PTAFR: variants seen among roughly 807,000 people sequenced by gnomAD.
PTAFR encodes platelet activating factor receptor.
A neutral mutation model predicts 14.7 loss-of-function variants in PTAFR; 8 were observed. The observed-to-expected ratio is 0.54, with a 90% CI of 0.32 to 0.98. PTAFR has a LOEUF of 0.98. Among genes scored for constraint, PTAFR ranks in the 50% least tolerant of loss-of-function variants. The pLI is 0.04. For missense variants in PTAFR, 337 were observed against 451.2 expected, an observed-to-expected ratio of 0.75 and a Z score of 2.29; for synonymous variants, 156 against 176.5, an observed-to-expected ratio of 0.88 and a Z score of 0.92.
At chr1:28,187,935 T>A (rs1646620018) in intron 1 of PTAFR, among the ~76,000 whole-genome samples, 1 of 152,126 alleles carries the variant, frequency 6.6e-6, no homozygotes, top group African/African-American at 2.4e-5. Flanking sequence ...TCCCAGCACT[T>A]TGGGAGGCTG....
intron 1 of PTAFR, among the ~76,000 whole-genome samples, chr1:28,171,114 G>A (rs1312735631): frequency 6.6e-6 from 1 of 152,168 alleles, no homozygotes; most frequent in Non-Finnish European, 1.5e-5. Context: ...CCTGAGGTCA[G>A]GAGTTCAAGA....
intron 1 of PTAFR, among the ~76,000 whole-genome samples, chr1:28,172,848 G>T (rs1646466532): frequency 6.6e-6 from 1 of 152,070 alleles, no homozygotes; most frequent in South Asian, 2.1e-4. Flanking sequence ...TCTGCAAAAT[G>T]CGGTGCCTGT....
In PTAFR at chr1:28,176,306, G is replaced by A. The variant is rs181104309; in HGVS notation, c.-39+286C>T. On this transcript the variant is annotated intron_variant, in intron 1 of 1. Transcript: ENST00000373857. ...AAAAATACAAAAATTAGCCAGGCGT[G>A]GTAGAGCATGCCTCTAGTCCCAGAT... is the stretch of plus-strand genomic sequence containing the variant. Among the ~76,000 whole-genome samples, 4 of 152,020 alleles carry A rather than the reference G, an allele frequency of 2.6e-5. No individual in the cohort carries two copies. In the East Asian group the frequency reaches 7.8e-4, roughly 29 times the overall value.
chr1:28,149,031 A>G lies in PTAFR; in HGVS notation c.*962T>C, dbSNP rs1377219923. 1 of 152,262 alleles carries G rather than the reference A, an allele frequency of 6.6e-6. No individual in the cohort carries two copies. The highest frequency in any genetic ancestry group is 1.5e-5 in the Non-Finnish European group (1 of 68,072). The allele number at this position is 152,262 out of a possible 1,614,324, so 9.4% of individuals were successfully genotyped here. A position where few individuals can be genotyped will look rare whatever the true frequency, so the allele number is the denominator to read the frequency against. On this transcript the variant is annotated 3_prime_UTR_variant, in exon 2 of 2. Transcript: ENST00000373857. ...CCCAGAGCTGACTGGACTAGAGGCA[A>G]GGCCTTTGCAGACAGACACGTCTGT...
At chr1:28,173,908 G>C (rs1646481433) in intron 1 of PTAFR, among the ~76,000 whole-genome samples, 1 of 152,136 alleles carries the variant, frequency 6.6e-6, no homozygotes, top group Admixed American at 6.5e-5. Context: ...ACACACAGAG[G>C]CATATCAGCC....
At chr1:28,186,006 CTTA>C in intron 1 of PTAFR, among the ~76,000 whole-genome samples, 1 of 151,874 alleles carries the variant, frequency 6.6e-6, no homozygotes, top group African/African-American at 2.4e-5. Flanking sequence ...GAGATGGAGT[CTTA>C]TCCTGTCACC....
intron 1 of PTAFR, among the ~76,000 whole-genome samples, chr1:28,153,961 G>A (rs1646228937): frequency 6.6e-6 from 1 of 151,970 alleles, no homozygotes; most frequent in Non-Finnish European, 1.5e-5. Flanking sequence ...GGCTGAAGTG[G>A]GAGGATCGCT....
chr1:28,169,246 T>G lies in PTAFR; in HGVS notation c.-39+7346A>C, dbSNP rs1376669107. On this transcript the variant is annotated intron_variant, in intron 1 of 1. Transcript: ENST00000373857. ...CCCCAGTCTCTATAAAATAAATTTT[T>G]CAAAATGCATGCTAAGAGAGTAAAT... Among the ~76,000 whole-genome samples the G allele has an allele frequency of 3.3e-5, 5 of 151,146 alleles. No individual in the cohort carries two copies. In the East Asian group the frequency reaches 9.7e-4, roughly 29 times the overall value.
upstream of PTAFR, among the ~76,000 whole-genome samples, chr1:28,179,669 T>TA (rs1553166024): frequency 6.6e-6 from 1 of 151,110 alleles, no homozygotes; most frequent in East Asian, 2.0e-4. Context: ...TAATAATAAT[T>TA]AAAAAAAGAG....
At chr1:28,153,074 G>A (rs976213042) in intron 1 of PTAFR, among the ~76,000 whole-genome samples, 1 of 151,542 alleles carries the variant, frequency 6.6e-6, no homozygotes, top group Non-Finnish European at 1.5e-5. Context: ...TGGGAGGACC[G>A]AGTGAGCCCA....
At chr1:28,163,157 T>G (rs1335022988) in intron 1 of PTAFR, among the ~76,000 whole-genome samples, 1 of 152,186 alleles carries the variant, frequency 6.6e-6, no homozygotes, top group Non-Finnish European at 1.5e-5. Context: ...ATCTTACTCA[T>G]CTTAAGACCT....
At chr1:28,174,147 T>TGGTCAGAGAGGGGGC (rs1646486297) in intron 1 of PTAFR, among the ~76,000 whole-genome samples, 2 of 151,292 alleles carry the variant, frequency 1.3e-5, no homozygotes, top group Non-Finnish European at 2.9e-5. Flanking sequence ...CAAGAGGGGG[T>TGGTCAGAGAGGGGGC]GGTCAGAGAG....
intron 1 of PTAFR, among the ~76,000 whole-genome samples, chr1:28,192,012 A>G (rs1280877752): frequency 1.3e-5 from 2 of 151,840 alleles, no homozygotes; most frequent in Non-Finnish European, 2.9e-5. Flanking sequence ...CCAGGCTGCT[A>G]TGAGCTGAGA....
chr1:28,174,459 CA>C (rs1227110409), intron 1 of PTAFR, among the ~76,000 whole-genome samples: 9 of 152,170 alleles, frequency 5.9e-5, no homozygotes, highest in African/African-American at 2.2e-4. Flanking sequence ...TGCTTCCCAC[CA>C]CCAGTCAGAG....
intron 1 of PTAFR, among the ~76,000 whole-genome samples, chr1:28,166,901 C>T (rs959830017): frequency 6.6e-6 from 1 of 152,052 alleles, no homozygotes. Context: ...ACCTTGAGCC[C>T]AGGAGCTCAA....
chr1:28,171,632 T>G (rs369633587), intron 1 of PTAFR, among the ~76,000 whole-genome samples: 1 of 152,130 alleles, frequency 6.6e-6, no homozygotes, highest in East Asian at 1.9e-4. Flanking sequence ...CAAGGGACCA[T>G]GCACATTTAT....
intron 1 of PTAFR, among the ~76,000 whole-genome samples, chr1:28,166,365 A>C (rs1646384728): frequency 6.6e-6 from 1 of 152,180 alleles, no homozygotes; most frequent in Non-Finnish European, 1.5e-5. Context: ...AACTCCTCAA[A>C]GAAAACATAG....
intron 1 of PTAFR, among the ~76,000 whole-genome samples, chr1:28,153,264 A>G (rs542050403): frequency 6.6e-6 from 1 of 152,262 alleles, no homozygotes; most frequent in Admixed American, 6.5e-5. Context: ...GAACAAAACA[A>G]AACAGTTGCT....
chr1:28,192,620 C>T (rs1646662901), intron 1 of PTAFR, among the ~76,000 whole-genome samples: 2 of 148,838 alleles, frequency 1.3e-5, no homozygotes, highest in Admixed American at 1.3e-4. Flanking sequence ...TCCCAGGAGG[C>T]ATGTGGTAAA....
Sources: gnomAD v4.1 joint callset for allele counts (sites outside exome capture counted in the v4.1 genomes callset) on GRCh38, gnomAD v4.1.1 for gene constraint, MANE v1.5 for transcripts, NCBI Gene and HGNC (gene_info 2026-07-23, HGNC 2026-07-21) for gene names.